XPO1: variants seen among roughly 807,000 people sequenced by gnomAD.
XPO1 encodes exportin 1, also known as exportin-1.
In XPO1, 5 loss-of-function variants were observed where a neutral mutation model predicts 133.3. That is an observed-to-expected ratio of 0.04 (90% confidence interval 0.02 to 0.08). The LOEUF (loss-of-function observed/expected upper bound fraction) is 0.08, where lower values mean the gene tolerates loss of function less well. Among genes scored for constraint, XPO1 ranks in the 10% least tolerant of loss-of-function variants. The pLI is 1.00. For synonymous variants in XPO1, 419 were observed against 408.2 expected (o/e 1.03, Z -0.32); for missense variants, 506 against 1,267.5 (o/e 0.40, Z 9.12).
intron 19 of XPO1, among the ~76,000 whole-genome samples, chr2:61,486,479 C>T (rs930713560): frequency 2.6e-5 from 4 of 152,128 alleles, no homozygotes; most frequent in East Asian, 1.9e-4. Flanking sequence ...ATTTTTGAGA[C>T]GGAGTCTTGC....
rs371003962 is a variant in XPO1, at chr2:61,492,125, G to A, written c.1797C>T (p.Phe599=). 1.7e-5 allele frequency: 28 copies of A among 1,614,034 alleles called. No individual in the cohort carries two copies. Among genetic ancestry groups the A allele is most frequent in the African/African-American group, 1.3e-4 (10 of 74,914 alleles). The change falls in exon 16 of 25, where the codon TTC becomes TTT. Residue 599 remains phenylalanine (F), a synonymous_variant. Transcript: ENST00000401558. The surrounding 1 kb of genome is among the most constrained non-coding windows in gnomAD (Gnocchi z 5.6). The part of the protein sequence containing the change: ...IKIAQKCRRH[F]VQVQVGEVMP... ...TCACTTCTCCAACCTGAACCTGAAC[G>A]AAATGCCTGCGGCATTTTTGGGCTA...
chr2:61,534,431 C>T (rs1699279350), intron 1 of XPO1: 1 of 152,152 alleles, frequency 6.6e-6, no homozygotes, highest in Non-Finnish European at 1.5e-5. Flanking sequence ...ACCTGTAATC[C>T]CAGCACTTTG....
Position 61,498,925 on chromosome 2 carries a change from A to AAC in XPO1, c.591-14_591-13dup. On this transcript the variant is annotated splice_polypyrimidine_tract_variant and intron_variant, in intron 7 of 24. Transcript: ENST00000401558. ...ATTCATTGCACATGCTAAAAAAAAA[A>AAC]ACACACAAAAATATCAGATTTAGAA... 6.4e-7 allele frequency: 1 copy of AAC among 1,572,378 alleles called. No individual in the cohort carries two copies. Among genetic ancestry groups the AAC allele is most frequent in the Non-Finnish European group, 8.6e-7 (1 of 1,161,928 alleles).
intron 4 of XPO1, among the ~76,000 whole-genome samples, chr2:61,519,751 A>G (rs893562477): frequency 4.0e-5 from 6 of 151,060 alleles, no homozygotes; most frequent in African/African-American, 1.5e-4. Context: ...CATGCTGTGG[A>G]CAAGAACCTA....
chr2:61,530,186 T>C (rs932036320), intron 2 of XPO1, among the ~76,000 whole-genome samples: 3 of 152,178 alleles, frequency 2.0e-5, no homozygotes, highest in African/African-American at 7.2e-5. Context: ...GTCAGATGCT[T>C]TGAAGTGATA....
intron 1 of XPO1, among the ~76,000 whole-genome samples, chr2:61,535,376 T>G (rs1036613778): frequency 1.3e-5 from 2 of 152,172 alleles, no homozygotes; most frequent in African/African-American, 4.8e-5. Flanking sequence ...ACTCCCAGTT[T>G]AGTGTATTTA....
At chr2:61,488,835 C>G (rs1447246249) in intron 17 of XPO1, 64 bp from the exon 18 acceptor site, 2 of 1,555,480 alleles carry the variant, frequency 1.3e-6, no homozygotes, top group East Asian at 4.5e-5. Context: ...GGAACAGTGG[C>G]TCACGCCTGT....
chr2:61,484,792 A>G (rs1696595903), intron 20 of XPO1: 1 of 152,246 alleles, frequency 6.6e-6, no homozygotes. Context: ...CCACACCCGG[A>G]TAATTTTTTG....
chr2:61,498,994 G>A (rs1697374178), intron 7 of XPO1, 81 bp from the exon 8 acceptor site: 4 of 1,437,026 alleles, frequency 2.8e-6, no homozygotes, highest in Non-Finnish European at 3.7e-6. Flanking sequence ...TAATAAAAAT[G>A]ATTAAAGCCC....
chr2:61,521,991 T>TA (rs1698716251), intron 4 of XPO1, among the ~76,000 whole-genome samples: 1 of 152,136 alleles, frequency 6.6e-6, no homozygotes, highest in Non-Finnish European at 1.5e-5. Context: ...CTTCTGGCCT[T>TA]AAATGACCCT....
At chr2:61,485,706 GC>G in intron 20 of XPO1, 61 bp downstream of exon 20, 1 of 1,359,862 alleles carries the variant, frequency 7.4e-7, no homozygotes, top group South Asian at 1.4e-5. Context: ...ACATACTTTA[GC>G]TTTCAAGAAT....
In XPO1 at chr2:61,519,761, A is replaced by C. The variant is rs111975762; in HGVS notation, c.301+2850T>G. ...ATTAACATGCTGTGGACAAGAACCT[A>C]AAAGCAGATAAAACAAATTCTACAT... is the stretch of plus-strand genomic sequence containing the variant. On this transcript the variant is annotated intron_variant, in intron 4 of 24. Coordinates refer to ENST00000401558, the MANE Select transcript of XPO1 (RefSeq NM_003400.4). Among the ~76,000 whole-genome samples the C allele has an allele frequency of 6.1e-3, 926 of 151,782 alleles. 14 individuals are homozygous for C. Among genetic ancestry groups the C allele is most frequent in the African/African-American group, 0.021 (852 of 41,296 alleles).
At position 61,498,668 on chromosome 2, in the gene XPO1, T is replaced by G; in HGVS notation, c.759+5A>C. 6.2e-7 allele frequency: 1 copy of G among 1,613,424 alleles called. No individual in the cohort carries two copies. The highest frequency in any genetic ancestry group is 8.5e-7 in the Non-Finnish European group (1 of 1,179,846). On this transcript the variant is annotated splice_donor_5th_base_variant and intron_variant, in intron 9 of 24. Transcript: ENST00000401558. The stretch of plus-strand genomic sequence containing the variant: ...TGACAAATAACTGAAATGTATTCAC[T>G]GTACCTTATAAATCAATGTGCTGAT...
rs758339397 is a variant in XPO1 at position 61,499,690 on chromosome 2, T to C, written c.590+23A>G. 3 of 1,551,712 alleles carry C rather than the reference T, an allele frequency of 1.9e-6. No individual in the cohort carries two copies. In the African/African-American group the frequency reaches 4.2e-5, roughly 22 times the overall value. ...ATTGTTTGAGAAATCACTTTAAAAT[T>C]CTAAAACATAATTATTACTTGCCTG... On this transcript the variant is annotated intron_variant, in intron 7 of 24. Coordinates refer to ENST00000401558, the MANE Select transcript of XPO1 (RefSeq NM_003400.4).
chr2:61,516,870 TATTTG>T (rs1698417887), intron 4 of XPO1, among the ~76,000 whole-genome samples: 1 of 152,156 alleles, frequency 6.6e-6, no homozygotes, highest in Non-Finnish European at 1.5e-5. Flanking sequence ...TCTTTTTTTT[TATTTG>T]AATTATCTAA....
Position 61,492,047 on chromosome 2 carries a change from A to C in XPO1, c.1875T>G (p.Leu625=), listed in dbSNP as rs143005485. The change falls in exon 16 of 25, where the codon CTT becomes CTG. Residue 625 remains leucine, a synonymous_variant. Transcript: ENST00000401558. This position sits in a 1 kb window ranked among gnomAD's most constrained non-coding sequence, Gnocchi z 5.6. ...GTGCTTAACATACCTGTTGAGGCTGAAGATCACAAATAATAGTGTTAATGT... is the reference window on the plus strand; with the variant it reads ...GTGCTTAACATACCTGTTGAGGCTGCAGATCACAAATAATAGTGTTAATGT... ...LNNINTIICD[L]QPQQVHTFYE... is the part of the protein sequence containing the mutation. 1,756 of 1,614,188 alleles carry C rather than the reference A, an allele frequency of 1.1e-3. 3 individuals carry two copies. The highest frequency in any genetic ancestry group is 0.011 in the Middle Eastern group (64 of 6,062).
intron 12 of XPO1, chr2:61,493,502 G>C (rs1369084405): frequency 4.9e-6 from 1 of 206,016 alleles, no homozygotes; most frequent in African/African-American, 2.4e-5. Context: ...GCAAGACCCT[G>C]TCTCCAAAAG....
chr2:61,515,682 C>T (rs1184248538), intron 4 of XPO1, among the ~76,000 whole-genome samples: 1 of 152,090 alleles, frequency 6.6e-6, no homozygotes, highest in Non-Finnish European at 1.5e-5. Context: ...ACGTGTCTCA[C>T]GTCAAAGGAG....
intron 20 of XPO1, chr2:61,484,737 C>T (rs1696591584): frequency 6.6e-6 from 1 of 152,596 alleles, no homozygotes; most frequent in Non-Finnish European, 1.5e-5. Flanking sequence ...ATGCCATTCT[C>T]CTGCCTCAGC....
Sources: gnomAD v4.1 joint callset for allele counts (sites outside exome capture counted in the v4.1 genomes callset) on GRCh38, gnomAD v4.1.1 for gene constraint, Gnocchi (gnomAD v3.1) non-coding constraint, MANE v1.5 for transcripts, NCBI Gene and HGNC (gene_info 2026-07-23, HGNC 2026-07-21) for gene names.